The following ISX variants were observed in gnomAD, a reference collection of about 807,000 sequenced individuals.
ISX encodes intestine-specific homeobox.
ISX carries 15 observed loss-of-function variants against 16.9 expected under a neutral mutation model. The observed-to-expected ratio is 0.89, with a 90% CI of 0.59 to 1.36. ISX has a LOEUF of 1.36. ISX is among the 40% of genes most tolerant of loss of function. The pLI, the probability that ISX is intolerant of heterozygous loss-of-function variation, is 0.00. For synonymous variants in ISX, 125 were observed against 119.7 expected (o/e 1.04, Z -0.29); for missense variants, 316 against 306.1 (o/e 1.03, Z -0.24).
rs202084562 is a variant in ISX at position 35,085,516 on chromosome 22, G to T, written c.561G>T (p.Ser187=). 1 of 1,614,152 alleles carries T rather than the reference G, an allele frequency of 6.2e-7. No individual in the cohort carries two copies. The highest frequency in any genetic ancestry group is 8.5e-7 in the Non-Finnish European group (1 of 1,180,020). The change falls in exon 5 of 5, where the codon TCG becomes TCT. Residue 187 remains serine (S), a synonymous_variant. Coordinates refer to ENST00000404699, the MANE Select transcript of ISX (RefSeq NM_001303508.2). ...RLAPPTSCCP[S]AQDQLASAWF... ...CTCCTCCCACGAGCTGTTGTCCATC[G>T]GCTCAAGATCAGCTGGCCTCTGCCT...
In ISX at chr22:35,067,259, G is replaced by A. The variant is rs377644750; in HGVS notation, c.172G>A (p.Gly58Arg). Residue 58 changes from glycine to arginine, a missense_variant, in exon 2 of 5, where the codon GGA becomes AGA. Gly to Arg is a moderately radical substitution (Grantham distance 125). Transcript: ENST00000404699. ...AGAAGGGCCAGGTGAAGAGGGCCCC[G>A]GAGAAGCTGCGGCCTCAGGCTCTGG... Reference protein sequence around the residue: ...RPEGPGEEGPGEAAASGSGLE... With the variant: ...RPEGPGEEGPREAAASGSGLE... 63 of 1,601,086 alleles carry A rather than the reference G, an allele frequency of 3.9e-5. No homozygotes were observed. The highest frequency in any genetic ancestry group is 1.2e-4 in the African/African-American group (9 of 74,868).
chr22:35,070,750 G>A (rs2146287746), intron 2 of ISX, among the ~76,000 whole-genome samples: 1 of 152,362 alleles, frequency 6.6e-6, no homozygotes, highest in Non-Finnish European at 1.5e-5. Flanking sequence ...GGGCAGTGCT[G>A]CCTTCTGCCC....
chr22:35,082,980 A>G (rs906612897), intron 3 of ISX, among the ~76,000 whole-genome samples: 3 of 152,146 alleles, frequency 2.0e-5, no homozygotes, highest in African/African-American at 7.2e-5. Context: ...CTCATTCACA[A>G]AGTATTGGCC....
intron 2 of ISX, among the ~76,000 whole-genome samples, chr22:35,070,766 G>C (rs1312470127): frequency 6.6e-6 from 1 of 152,230 alleles, no homozygotes; most frequent in Admixed American, 6.5e-5. Context: ...TGCCCATCTT[G>C]TCTGATGGAG....
Position 35,067,178 on chromosome 22 carries a change from T to A in ISX, c.91T>A (p.Phe31Ile), listed in dbSNP as rs1252602400. ...GGCCCCGAAGAAGCTGAGCCTGTCC[T>A]TCTCCATTGAGGCGATCCTAAAGAG... is the stretch of plus-strand genomic sequence containing the variant. ...CEAPKKLSLS[F>I]SIEAILKRPA... The change falls in exon 2 of 5, where the codon TTC (phenylalanine) becomes ATC (isoleucine). Residue 31 changes from phenylalanine to isoleucine, a missense_variant. Physicochemically the swap from Phe to Ile is conservative, Grantham distance 21. Transcript: ENST00000404699. The A allele has an allele frequency of 2.5e-6, 4 of 1,613,212 alleles. No individual in the cohort carries two copies. The highest frequency in any genetic ancestry group is 3.4e-6 in the Non-Finnish European group (4 of 1,179,494).
intron 2 of ISX, among the ~76,000 whole-genome samples, chr22:35,081,918 C>T (rs749911742): frequency 7.2e-5 from 11 of 152,246 alleles, no homozygotes; most frequent in Non-Finnish European, 1.5e-4. Flanking sequence ...ATGATGTAGC[C>T]AGCCCTGGGT....
intron 2 of ISX, 61 bp downstream of exon 2, chr22:35,067,377 G>A (rs1928732613): frequency 8.1e-7 from 1 of 1,240,286 alleles, no homozygotes. Flanking sequence ...CTGGGCTCAG[G>A]CAGAGAAAAA....
At position 35,086,064 on chromosome 22, in the gene ISX, A is replaced by G; in HGVS notation, c.*371A>G. ...CTCATCTGTAAGAGGAGCCAGCTGG[A>G]TAAGATGATTTCTGAAGACGCTTCC... On this transcript the variant is annotated 3_prime_UTR_variant, in exon 5 of 5. Coordinates refer to ENST00000404699, the MANE Select transcript of ISX (RefSeq NM_001303508.2). 3 of 318,898 alleles carry G rather than the reference A, an allele frequency of 9.4e-6. No individual in the cohort carries two copies. In the South Asian group the frequency reaches 9.4e-5, roughly 10 times the overall value. 19.8% of individuals were successfully genotyped at this position (318,898 alleles called of 1,614,324 possible). A position where few individuals can be genotyped will look rare whatever the true frequency, so the allele number is the denominator to read the frequency against.
In ISX at chr22:35,085,639, C is replaced by T. The variant is rs1298375782; in HGVS notation, c.684C>T (p.Cys228=). 8 of 1,614,236 alleles carry T rather than the reference C, an allele frequency of 5.0e-6. No homozygotes were observed. Among genetic ancestry groups the T allele is most frequent in the Non-Finnish European group, 5.9e-6 (7 of 1,180,026 alleles). Reference sequence around the variant, plus strand: ...ATCAAACTTGCATCCCTGTGCTATGCATCCTTCCACCTCCACACCCCAAAT... The same window carrying T: ...ATCAAACTTGCATCCCTGTGCTATGTATCCTTCCACCTCCACACCCCAAAT... ...PIHQTCIPVL[C]ILPPPHPKWG... Residue 228 remains cysteine, a synonymous_variant, in exon 5 of 5, where the codon TGC becomes TGT. Transcript: ENST00000404699.
chr22:35,084,466 C>T lies in ISX; in HGVS notation c.465C>T (p.Ala155=). Residue 155 remains alanine, a synonymous_variant, in exon 4 of 5, where the codon GCC becomes GCT. Transcript: ENST00000404699. ...GGGCTCCACAGCAGCTGAGTGAAGCCAGTGTGGCCCTGCCCACAAATCTGG... is the reference window on the plus strand; with the variant it reads ...GGGCTCCACAGCAGCTGAGTGAAGCTAGTGTGGCCCTGCCCACAAATCTGG... ...NLGAPQQLSE[A]SVALPTNLDV... is the part of the protein sequence containing the mutation. The T allele has an allele frequency of 6.2e-7, 1 of 1,613,290 alleles. No homozygotes were observed.
chr22:35,071,225 C>T (rs1234417017), intron 2 of ISX, among the ~76,000 whole-genome samples: 4 of 152,194 alleles, frequency 2.6e-5, no homozygotes. Context: ...CATTTAGAAA[C>T]CACTGCTCCT....
intron 2 of ISX, among the ~76,000 whole-genome samples, chr22:35,068,817 T>C (rs747382704): frequency 2.0e-5 from 3 of 152,208 alleles, no homozygotes; most frequent in Non-Finnish European, 4.4e-5. Flanking sequence ...TCCACAGCAC[T>C]TTTGTGGCCA....
chr22:35,075,526 C>A (rs1382080347), intron 2 of ISX, among the ~76,000 whole-genome samples: 1 of 152,156 alleles, frequency 6.6e-6, no homozygotes, highest in Non-Finnish European at 1.5e-5. Context: ...AGCTCTACTG[C>A]TGTTTGTTTT....
chr22:35,071,794 G>A (rs991806750), intron 2 of ISX, among the ~76,000 whole-genome samples: 10 of 152,146 alleles, frequency 6.6e-5, no homozygotes, highest in East Asian at 5.8e-4. Context: ...TGGGTCAGGC[G>A]CCTCTGGAGA....
At chr22:35,068,306 C>T (rs559890050) in intron 2 of ISX, among the ~76,000 whole-genome samples, 13 of 152,110 alleles carry the variant, frequency 8.5e-5, no homozygotes, top group Non-Finnish European at 1.5e-4. Context: ...CATTACCTGC[C>T]ATAAATAGAG....
chr22:35,086,000 G>T lies in ISX; in HGVS notation c.*307G>T, dbSNP rs144831614. The T allele has an allele frequency of 4.1e-3, 1,725 of 419,148 alleles. 9 individuals are homozygous for T. Among genetic ancestry groups the T allele is most frequent in the Middle Eastern group, 6.4e-3 (9 of 1,402 alleles). The allele number at this position is 419,148 out of a possible 1,614,324, so 26.0% of individuals were successfully genotyped here. ...CCAGCACCTGTGTTTCCTCTAACTT[G>T]CTGTGTGACCTCCAGCCGGTCACTC... On this transcript the variant is annotated 3_prime_UTR_variant, in exon 5 of 5. Transcript: ENST00000404699.
rs751889584 is a variant in ISX, at chr22:35,067,223, A to G, written c.136A>G (p.Met46Val). The G allele has an allele frequency of 1.2e-6, 2 of 1,610,112 alleles. No homozygotes were observed. The highest frequency in any genetic ancestry group is 2.2e-5 in the East Asian group (1 of 44,726). The change falls in exon 2 of 5, where the codon ATG (methionine) becomes GTG (valine). Residue 46 changes from methionine to valine, a missense_variant. Met to Val is a conservative substitution (Grantham distance 21, BLOSUM62 1). Transcript: ENST00000404699. Reference sequence around the variant, plus strand: ...AAAGAGGCCTGCCAGGAGGAGTGATATGGACAGACCAGAAGGGCCAGGTGA... The same window carrying G: ...AAAGAGGCCTGCCAGGAGGAGTGATGTGGACAGACCAGAAGGGCCAGGTGA... ...ILKRPARRSD[M>V]DRPEGPGEEG...
intron 2 of ISX, among the ~76,000 whole-genome samples, chr22:35,072,909 G>T (rs1475180040): frequency 6.6e-6 from 1 of 152,318 alleles, no homozygotes; most frequent in East Asian, 1.9e-4. Flanking sequence ...ATTTGGGGTT[G>T]CAGTCGTCTG....
intron 2 of ISX, among the ~76,000 whole-genome samples, chr22:35,080,504 C>T (rs965682027): frequency 2.0e-5 from 3 of 152,146 alleles, no homozygotes; most frequent in African/African-American, 7.2e-5. Flanking sequence ...TTTATCTCAG[C>T]CAAAAGATAA....
Sources: allele counts gnomAD v4.1 joint callset (sites outside exome capture counted in the v4.1 genomes callset), GRCh38; gene constraint gnomAD v4.1.1; transcripts MANE v1.5; gene names NCBI Gene and HGNC (gene_info 2026-07-23, HGNC 2026-07-21).